Variants in SLC35E4 observed in about 807,000 individuals in gnomAD.
SLC35E4 encodes the protein solute carrier family 35, member E4.
In SLC35E4, 15 loss-of-function variants were observed where a neutral mutation model predicts 19.3. The observed-to-expected ratio is 0.78, with a 90% CI of 0.52 to 1.20. The LOEUF is 1.20. Among genes scored for constraint, SLC35E4 ranks in the 50% most tolerant of loss-of-function variants. The pLI, the probability that SLC35E4 is intolerant of heterozygous loss-of-function variation, is 0.00. For missense variants in SLC35E4, 406 were observed against 472.3 expected (o/e 0.86, Z 1.30); for synonymous variants, 219 against 219.9 (o/e 1.00, Z 0.04).
chr22:30,653,460 C>T (rs1225355825), intron 2 of SLC35E4, among the ~76,000 whole-genome samples: 7 of 151,952 alleles, frequency 4.6e-5, no homozygotes, highest in Middle Eastern at 3.4e-3. Flanking sequence ...CAACCTCCGC[C>T]TCCTGGGTTC....
downstream of SLC35E4, chr22:30,667,330 C>T (rs1318712337): frequency 6.6e-6 from 1 of 152,238 alleles, no homozygotes; most frequent in Non-Finnish European, 1.5e-5. Flanking sequence ...AAGTTATAAA[C>T]ATGGAACAAA....
chr22:30,665,636 G>C, downstream of SLC35E4: 1 of 446,824 alleles, frequency 2.2e-6, no homozygotes, highest in Middle Eastern at 3.3e-4. Flanking sequence ...GGCTTTCTTA[G>C]CCCTATGTTC....
chr22:30,653,514 G>C (rs143888298), intron 2 of SLC35E4, among the ~76,000 whole-genome samples: 3 of 151,944 alleles, frequency 2.0e-5, no homozygotes, highest in African/African-American at 4.8e-5. Context: ...TGGAACTACA[G>C]GTGCACACTA....
intron 2 of SLC35E4, chr22:30,654,249 G>C: frequency 2.5e-6 from 1 of 399,830 alleles, no homozygotes. Flanking sequence ...CTCCCAAAGT[G>C]CTAGGATTAC....
chr22:30,654,232 C>T (rs1437013574), intron 2 of SLC35E4: 1 of 367,906 alleles, frequency 2.7e-6, no homozygotes, highest in Non-Finnish European at 5.3e-6. Flanking sequence ...GATCTGCCCG[C>T]CTCCGCCTCC....
chr22:30,661,198 A>AG lies in SLC35E4; in HGVS notation c.*9-862_*9-861insG, dbSNP rs2088455854. Among the ~76,000 whole-genome samples, 4 of 151,666 alleles carry AG rather than the reference A, an allele frequency of 2.6e-5. No homozygotes were observed. The South Asian group carries it at 8.4e-4, about 32-fold the overall frequency. On this transcript the variant is annotated intron_variant, in intron 2 of 2. Transcript: ENST00000406566. ...ATTGGAAAAAAAATCTACAATAGCC[A>AG]CCCCCCCGCCAAGTGAAATATAGTT...
In SLC35E4 at chr22:30,636,431, C is replaced by A; in HGVS notation, c.-20C>A. 1 of 1,468,274 alleles carries A rather than the reference C, an allele frequency of 6.8e-7. No homozygotes were observed. The allele number at this position is 1,468,274 out of a possible 1,614,324, so 91.0% of individuals were successfully genotyped here. ...TCGTCACTGGGGAGCCCGCCTCCTGCCCTAGCCTCACTGGTGCGGATGTGC... is the reference window on the plus strand; with the variant it reads ...TCGTCACTGGGGAGCCCGCCTCCTGACCTAGCCTCACTGGTGCGGATGTGC... On this transcript the variant is annotated 5_prime_UTR_variant, in exon 1 of 2. Coordinates refer to ENST00000343605, the MANE Select transcript of SLC35E4 (RefSeq NM_001001479.4).
downstream of SLC35E4, among the ~76,000 whole-genome samples, chr22:30,652,796 C>T (rs1357912998): frequency 6.6e-6 from 1 of 152,226 alleles, no homozygotes; most frequent in East Asian, 1.9e-4. Context: ...CCACAAAGTC[C>T]TTTTAAATCT....
At chr22:30,660,940 A>G (rs2088447547) in intron 2 of SLC35E4, among the ~76,000 whole-genome samples, 1 of 151,990 alleles carries the variant, frequency 6.6e-6, no homozygotes, top group Non-Finnish European at 1.5e-5. Flanking sequence ...CCCGGGTTCA[A>G]GTAATTCTCC....
downstream of SLC35E4, among the ~76,000 whole-genome samples, chr22:30,648,580 C>T (rs563874239): frequency 2.6e-5 from 4 of 152,212 alleles, no homozygotes; most frequent in South Asian, 2.1e-4. Flanking sequence ...GCTGAAACAC[C>T]GTCTCTATTA....
downstream of SLC35E4, among the ~76,000 whole-genome samples, chr22:30,651,399 G>GTGTATA (rs1318231260): frequency 2.2e-3 from 137 of 61,250 alleles, no homozygotes; most frequent in Non-Finnish European, 2.6e-3. Flanking sequence ...GTGTGTGTGT[G>GTGTATA]TATATATATA....
chr22:30,664,083 G>T, downstream of SLC35E4: 1 of 1,366,022 alleles, frequency 7.3e-7, no homozygotes, highest in Non-Finnish European at 1.0e-6. Context: ...ATGGAAAACT[G>T]CAGAGAGGGA....
At chr22:30,646,318 A>G (rs1376344261) in intron 1 of SLC35E4, among the ~76,000 whole-genome samples, 1 of 152,164 alleles carries the variant, frequency 6.6e-6, no homozygotes, top group Non-Finnish European at 1.5e-5. Context: ...ACCCGTGATT[A>G]GGTTTTATTA....
intron 1 of SLC35E4, among the ~76,000 whole-genome samples, chr22:30,645,184 TG>T (rs1315348959): frequency 6.6e-6 from 1 of 152,206 alleles, no homozygotes; most frequent in Admixed American, 6.5e-5. Context: ...GTGGCAGAGC[TG>T]GGACCCTCTG....
At chr22:30,663,964 G>A (rs146808085), downstream of SLC35E4, 46 of 1,614,088 alleles carry the variant, frequency 2.8e-5, no homozygotes, top group African/African-American at 4.0e-5. Flanking sequence ...ACTGAGGGCT[G>A]CCGGAACTGA....
chr22:30,663,708 C>T (rs200346696), downstream of SLC35E4: 120 of 1,614,098 alleles, frequency 7.4e-5, no homozygotes, highest in South Asian at 8.8e-5. Flanking sequence ...CAGCAAAGTA[C>T]GGCCCTGCTT....
chr22:30,651,399 G>GTGTGTATA (rs1318231260), downstream of SLC35E4, among the ~76,000 whole-genome samples: 6 of 61,330 alleles, frequency 9.8e-5, no homozygotes, highest in African/African-American at 2.3e-4. Flanking sequence ...GTGTGTGTGT[G>GTGTGTATA]TATATATATA....
At chr22:30,643,025 G>A (rs904444761) in intron 1 of SLC35E4, among the ~76,000 whole-genome samples, 3 of 143,134 alleles carry the variant, frequency 2.1e-5, no homozygotes, top group Non-Finnish European at 3.0e-5. Flanking sequence ...GTGAGACTCC[G>A]TCTCAAAAAA....
intron 2 of SLC35E4, among the ~76,000 whole-genome samples, chr22:30,655,976 T>C (rs2088331474): frequency 6.6e-6 from 1 of 151,774 alleles, no homozygotes; most frequent in African/African-American, 2.4e-5. Flanking sequence ...GAGGCACCAC[T>C]GCACTGCATC....
Sources: gnomAD v4.1 joint callset for allele counts (sites outside exome capture counted in the v4.1 genomes callset) on GRCh38, gnomAD v4.1.1 for gene constraint, MANE v1.5 for transcripts, NCBI Gene and HGNC (gene_info 2026-07-23, HGNC 2026-07-21) for gene names.